CLPTM1L: variants seen among roughly 807,000 people sequenced by gnomAD.
CLPTM1L encodes lipid scramblase CLPTM1L.
Under a neutral mutation model 70.9 loss-of-function variants are expected in CLPTM1L, and 38 were observed. The ratio of observed to expected loss-of-function variants is 0.54; its 90% CI spans 0.41 to 0.70. The LOEUF (loss-of-function observed/expected upper bound fraction) is 0.70. Ranked by LOEUF, CLPTM1L falls within the 30% of genes least tolerant of loss-of-function variation. The pLI is 0.00. For missense variants in CLPTM1L, 652 were observed against 705.9 expected, an observed-to-expected ratio of 0.92 and a Z score of 0.87; for synonymous variants, 339 against 299.9, an observed-to-expected ratio of 1.13 and a Z score of -1.35.
chr5:1,335,414 C>T (rs1328851841), intron 5 of CLPTM1L, among the ~76,000 whole-genome samples: 1 of 152,240 alleles, frequency 6.6e-6, no homozygotes, highest in African/African-American at 2.4e-5. Context: ...AGCTCAGCAG[C>T]GCTAGCAGTG....
At chr5:1,334,471 A>G in intron 6 of CLPTM1L, 88 bp from the exon 7 acceptor site, 2 of 973,488 alleles carry the variant, frequency 2.1e-6, no homozygotes, top group Non-Finnish European at 1.6e-6. Flanking sequence ...ATAAAAATTT[A>G]GGCCGGGCGC....
At position 1,334,269 on chromosome 5, in the gene CLPTM1L, C is replaced by G. The variant is rs529948771; in HGVS notation, c.891+20G>C. 8.0e-5 allele frequency: 128 copies of G among 1,596,688 alleles called. No individual in the cohort carries two copies. In the South Asian group the frequency reaches 1.4e-3, roughly 17 times the overall value. On this transcript the variant is annotated intron_variant, in intron 7 of 16. Transcript: ENST00000320895. ...GAGCCCCCCAAGTGCCTGCGGCAAG[C>G]CCCCCGGTGGATGACTCACATGGAA...
chr5:1,324,719 G>A, intron 11 of CLPTM1L, 44 bp downstream of exon 11: 1 of 1,566,808 alleles, frequency 6.4e-7, no homozygotes, highest in Non-Finnish European at 8.8e-7. Flanking sequence ...TGAGGGTGTT[G>A]GATTTGCCTG....
intron 16 of CLPTM1L, among the ~76,000 whole-genome samples, chr5:1,319,627 G>A (rs1752037688): frequency 6.6e-6 from 1 of 152,230 alleles, no homozygotes. Context: ...TCCCTCTCCT[G>A]CACTAGTAGG....
At chr5:1,327,295 G>A (rs1752662777) in intron 9 of CLPTM1L, among the ~76,000 whole-genome samples, 2 of 149,218 alleles carry the variant, frequency 1.3e-5, no homozygotes, top group Admixed American at 6.7e-5. Context: ...ATTTCATCCA[G>A]CTCCTCCTCT....
intron 6 of CLPTM1L, among the ~76,000 whole-genome samples, chr5:1,334,754 A>AAAAC (rs3030834): frequency 0.32 from 47,895 of 151,150 alleles, 8,199 homozygotes; most frequent in African/African-American, 0.45. Context: ...ACTCTGTCTC[A>AAAAC]AAACAAACAA....
At chr5:1,340,220 T>C (rs1020801982) in intron 3 of CLPTM1L, among the ~76,000 whole-genome samples, 1 of 152,322 alleles carries the variant, frequency 6.6e-6, no homozygotes, top group South Asian at 2.1e-4. Flanking sequence ...CCCCCTGACC[T>C]TGGCAGAAGA....
At chr5:1,337,092 T>C (rs1395108599) in intron 5 of CLPTM1L, among the ~76,000 whole-genome samples, 1 of 152,180 alleles carries the variant, frequency 6.6e-6, no homozygotes, top group Non-Finnish European at 1.5e-5. Context: ...GTGACAGTGA[T>C]GGCTTGCAGG....
At chr5:1,323,115 C>T (rs935217535) in intron 12 of CLPTM1L, among the ~76,000 whole-genome samples, 9 of 151,830 alleles carry the variant, frequency 5.9e-5, no homozygotes, top group African/African-American at 9.7e-5. Context: ...CAGCAGAGGC[C>T]GGGCACTCCA....
In CLPTM1L at chr5:1,342,782, T is replaced by A. The variant is rs1754029361; in HGVS notation, c.264-922A>T. On this transcript the variant is annotated intron_variant, in intron 2 of 16. Transcript: ENST00000320895. The surrounding 1 kb of genome is among the most constrained non-coding windows in gnomAD (Gnocchi z 4.3). Reference sequence around the variant, plus strand: ...TTTGAAAACTGTTGTAGAGATGGGGTTTTGTCACATTGCCTAGGCTGGTCT... The same window carrying A: ...TTTGAAAACTGTTGTAGAGATGGGGATTTGTCACATTGCCTAGGCTGGTCT... Among the ~76,000 whole-genome samples the A allele has an allele frequency of 6.6e-6, 1 of 152,076 alleles. No homozygotes were observed. The highest frequency in any genetic ancestry group is 6.5e-5 in the Admixed American group (1 of 15,278).
chr5:1,338,278 G>C, intron 4 of CLPTM1L: 1 of 475,416 alleles, frequency 2.1e-6, no homozygotes, highest in South Asian at 2.2e-5. Flanking sequence ...CAGAACCCAG[G>C]GCCCTCTGCG....
At chr5:1,324,172 G>T in intron 11 of CLPTM1L, 1 of 428,332 alleles carries the variant, frequency 2.3e-6, no homozygotes, top group Non-Finnish European at 4.1e-6. Context: ...ATAATGGAAA[G>T]AAACCGGAAA....
intron 8 of CLPTM1L, 82 bp from the exon 9 acceptor site, chr5:1,330,465 C>T (rs898693670): frequency 3.6e-6 from 4 of 1,112,088 alleles, no homozygotes; most frequent in Non-Finnish European, 5.4e-6. Context: ...TACCCCCAGT[C>T]CCCCATCCCA....
chr5:1,321,972 C>T (rs401681), intron 13 of CLPTM1L, 153 bp from the exon 14 acceptor site: 300,168 of 704,354 alleles, frequency 0.43, 67,106 homozygotes, highest in African/African-American at 0.59. Context: ...CTTCAGAGTC[C>T]ATCATGGTGT....
At chr5:1,335,612 T>C (rs754187247) in intron 5 of CLPTM1L, among the ~76,000 whole-genome samples, 7 of 152,238 alleles carry the variant, frequency 4.6e-5, no homozygotes, top group Non-Finnish European at 8.8e-5. Flanking sequence ...CTGCAGCACA[T>C]GGGCAAAGTG....
At chr5:1,336,541 G>A (rs1247542608) in intron 5 of CLPTM1L, among the ~76,000 whole-genome samples, 1 of 152,230 alleles carries the variant, frequency 6.6e-6, no homozygotes, top group East Asian at 1.9e-4. Context: ...GCGGCATGAG[G>A]CTTCACAAGA....
chr5:1,325,866 G>A, intron 9 of CLPTM1L, 50 bp from the exon 10 acceptor site: 1 of 1,534,212 alleles, frequency 6.5e-7, no homozygotes, highest in East Asian at 2.2e-5. Context: ...AAGGCCAGGA[G>A]CCACGAATGA....
rs144419303 is a variant in CLPTM1L, at chr5:1,344,752, G to A, written c.90C>T (p.Ile30=). The part of the protein sequence containing the change: ...VVHTCWVMYG[I]VYTRPCSGDA... ...CGCCGGAGCACGGGCGGGTGTAGAC[G>A]ATGCCGTACATGACCCAGCAGGTGT... Residue 30 remains isoleucine (I), a synonymous_variant, in exon 1 of 17, where the codon ATC becomes ATT. Transcript: ENST00000320895. The A allele has an allele frequency of 2.5e-5, 40 of 1,603,716 alleles. 1 individual carries two copies. In the African/African-American group the frequency reaches 5.2e-4, roughly 21 times the overall value.
At position 1,320,711 on chromosome 5, in the gene CLPTM1L, A is replaced by G. The variant is rs757477351; in HGVS notation, c.1437T>C (p.Asp479=). The G allele has an allele frequency of 9.1e-6, 14 of 1,546,850 alleles. No individual in the cohort carries two copies. Among genetic ancestry groups the G allele is most frequent in the Non-Finnish European group, 1.0e-5 (12 of 1,143,936 alleles). The change falls in exon 16 of 17, where the codon GAT becomes GAC. Residue 479 remains aspartate, a synonymous_variant. Transcript: ENST00000320895. ...FTYKAFNTFI[D]DVFAFIITMP... ...TGGTGATGATGAAGGCAAAGACGTCATCAATGAAGGTGTTGAAAGCCTGCA... is the reference window on the plus strand; with the variant it reads ...TGGTGATGATGAAGGCAAAGACGTCGTCAATGAAGGTGTTGAAAGCCTGCA...
Sources: allele counts gnomAD v4.1 joint callset (sites outside exome capture counted in the v4.1 genomes callset), GRCh38; gene constraint gnomAD v4.1.1; non-coding constraint Gnocchi (gnomAD v3.1); transcripts MANE v1.5; gene names NCBI Gene and HGNC (gene_info 2026-07-23, HGNC 2026-07-21).